LRRC4C: variants seen among roughly 807,000 people sequenced by gnomAD.
The protein encoded by LRRC4C is leucine-rich repeat-containing protein 4C.
LRRC4C carries 5 observed loss-of-function variants against 33.6 expected under a neutral mutation model. The ratio of observed to expected loss-of-function variants is 0.15; its 90% CI spans 0.08 to 0.31. The LOEUF (loss-of-function observed/expected upper bound fraction) is 0.31, where lower values mean the gene tolerates loss of function less well. Ranked by LOEUF, LRRC4C falls within the 10% of genes least tolerant of loss-of-function variation. LRRC4C has a pLI of 1.00. For synonymous variants in LRRC4C, 329 were observed against 302.0 expected, an observed-to-expected ratio of 1.09 and a Z score of -0.93; for missense variants, 560 against 796.7, an observed-to-expected ratio of 0.70 and a Z score of 3.58.
intron 4 of LRRC4C, among the ~76,000 whole-genome samples, chr11:40,302,302 G>T (rs533402353): frequency 6.6e-6 from 1 of 152,106 alleles, no homozygotes; most frequent in Non-Finnish European, 1.5e-5. Flanking sequence ...TTTTCACTAG[G>T]ATAACAATTA....
intron 3 of LRRC4C, among the ~76,000 whole-genome samples, chr11:40,324,723 C>T (rs955540239): frequency 1.3e-5 from 2 of 152,064 alleles, no homozygotes; most frequent in Admixed American, 1.3e-4. Context: ...TAAGTAAATA[C>T]AAATATTTAC....
chr11:40,384,041 C>CAA (rs1949006448), intron 3 of LRRC4C, among the ~76,000 whole-genome samples: 1 of 150,916 alleles, frequency 6.6e-6, no homozygotes, highest in Non-Finnish European at 1.5e-5. Flanking sequence ...CTCCCATTAT[C>CAA]TAGGTTGCCT....
At chr11:40,814,086 T>C (rs10768636) in intron 2 of LRRC4C, among the ~76,000 whole-genome samples, 135,083 of 151,836 alleles carry the variant, frequency 0.89, 60,387 homozygotes, top group East Asian at 1. Context: ...CTAGGCAGTT[T>C]CTCCATTGCA....
intron 3 of LRRC4C, among the ~76,000 whole-genome samples, chr11:40,470,092 T>C (rs1468374957): frequency 3.3e-5 from 5 of 152,186 alleles, no homozygotes; most frequent in African/African-American, 1.2e-4. Context: ...GACTAGGAGA[T>C]ACCTCCCAGC....
intron 1 of LRRC4C, among the ~76,000 whole-genome samples, chr11:41,284,255 T>C (rs1949755508): frequency 6.6e-6 from 1 of 152,200 alleles, no homozygotes. Flanking sequence ...ATAAAAAAGA[T>C]AGAGACTGCT....
chr11:40,959,575 T>C (rs1180218948), intron 1 of LRRC4C, among the ~76,000 whole-genome samples: 1 of 151,762 alleles, frequency 6.6e-6, no homozygotes, highest in East Asian at 1.9e-4. Context: ...ATGTAAGACT[T>C]TATACTAAAT....
At chr11:40,945,649 G>T (rs922532246) in intron 1 of LRRC4C, among the ~76,000 whole-genome samples, 3 of 152,104 alleles carry the variant, frequency 2.0e-5, no homozygotes, top group African/African-American at 7.2e-5. Context: ...ATTAGAATCA[G>T]CAGTGTAACC....
chr11:40,948,457 G>A (rs1178800324), intron 1 of LRRC4C, among the ~76,000 whole-genome samples: 144 of 149,868 alleles, frequency 9.6e-4, no homozygotes, highest in Middle Eastern at 3.4e-3. Flanking sequence ...ATGCTGGTGC[G>A]CTGCACCCAC....
chr11:40,455,174 A>T (rs750071530), intron 3 of LRRC4C, among the ~76,000 whole-genome samples: 1 of 152,194 alleles, frequency 6.6e-6, no homozygotes, highest in African/African-American at 2.4e-5. Context: ...TGCCTGGGCC[A>T]TAAGGGAAAT....
At chr11:41,379,824 T>A (rs554599153) in intron 1 of LRRC4C, among the ~76,000 whole-genome samples, 3 of 152,230 alleles carry the variant, frequency 2.0e-5, no homozygotes, top group African/African-American at 7.2e-5. Flanking sequence ...ATCTATGTCT[T>A]CGTAATTATT....
intron 3 of LRRC4C, chr11:40,351,725 T>C (rs1947396912): frequency 6.6e-6 from 1 of 151,754 alleles, no homozygotes; most frequent in Non-Finnish European, 1.5e-5. Context: ...AGTGCCTATG[T>C]ATTTACAATC....
At chr11:41,196,389 CA>C (rs1306500655) in intron 1 of LRRC4C, among the ~76,000 whole-genome samples, 1 of 152,040 alleles carries the variant, frequency 6.6e-6, no homozygotes, top group East Asian at 1.9e-4. Flanking sequence ...AGACACTCAT[CA>C]ACATAAGAGT....
chr11:40,164,761 C>T (rs1409223645), intron 5 of LRRC4C, among the ~76,000 whole-genome samples: 1 of 152,020 alleles, frequency 6.6e-6, no homozygotes, highest in Non-Finnish European at 1.5e-5. Context: ...TGAAATGTTC[C>T]CAATACAAAT....
intron 1 of LRRC4C, among the ~76,000 whole-genome samples, chr11:41,213,171 T>C (rs1259583794): frequency 2.0e-5 from 3 of 152,226 alleles, no homozygotes; most frequent in Non-Finnish European, 4.4e-5. Flanking sequence ...CTTTGGTTAC[T>C]AAAAAGTTAA....
intron 2 of LRRC4C, among the ~76,000 whole-genome samples, chr11:40,696,281 C>CAATA (rs767448453): frequency 5.4e-5 from 5 of 92,854 alleles, no homozygotes; most frequent in African/African-American, 3.7e-4. Flanking sequence ...CACAATGCCA[C>CAATA]ATATATATAT....
intron 1 of LRRC4C, among the ~76,000 whole-genome samples, chr11:41,096,838 G>A (rs1940839751): frequency 6.6e-6 from 1 of 152,160 alleles, no homozygotes; most frequent in Non-Finnish European, 1.5e-5. Context: ...AAGAGCCACT[G>A]AAAGATTTTA....
chr11:41,070,113 AC>A (rs1320964749), intron 1 of LRRC4C, among the ~76,000 whole-genome samples: 2 of 152,158 alleles, frequency 1.3e-5, no homozygotes, highest in African/African-American at 4.8e-5. Flanking sequence ...AACTAACACC[AC>A]ACATCTACAA....
Position 40,752,469 on chromosome 11 carries a change from C to T in LRRC4C, c.-406-104191G>A, listed in dbSNP as rs181846823. Among the ~76,000 whole-genome samples the T allele has an allele frequency of 2.6e-5, 4 of 151,996 alleles. No individual in the cohort carries two copies. The East Asian group carries it at 7.7e-4, about 29-fold the overall frequency. ...TGAATAAACAATCCTTAAAAGAAGACACACAAATGACCAACAGGTATATTA... is the reference window on the plus strand; with the variant it reads ...TGAATAAACAATCCTTAAAAGAAGATACACAAATGACCAACAGGTATATTA... On this transcript the variant is annotated intron_variant, in intron 2 of 6. Coordinates refer to ENST00000528697, the MANE Select transcript of LRRC4C (RefSeq NM_001258419.2).
intron 1 of LRRC4C, among the ~76,000 whole-genome samples, chr11:41,277,844 A>G (rs978766709): frequency 3.3e-5 from 5 of 151,998 alleles, no homozygotes; most frequent in Non-Finnish European, 7.4e-5. Flanking sequence ...CCAGCAGTAC[A>G]TTAGTTCTCA....
Sources: allele counts gnomAD v4.1 joint callset (sites outside exome capture counted in the v4.1 genomes callset), GRCh38; gene constraint gnomAD v4.1.1; transcripts MANE v1.5; gene names NCBI Gene and HGNC (gene_info 2026-07-23, HGNC 2026-07-21).